Variants in C11orf65 observed in about 807,000 individuals in gnomAD.
The protein encoded by C11orf65 is protein MFI.
A neutral mutation model predicts 35.3 loss-of-function variants in C11orf65; 38 were observed. The ratio of observed to expected loss-of-function variants is 1.08; its 90% CI spans 0.83 to 1.41. C11orf65 has a LOEUF of 1.41. C11orf65 is among the 40% of genes most tolerant of loss of function. The pLI is 0.00. For synonymous variants in C11orf65, 105 were observed against 114.4 expected, an observed-to-expected ratio of 0.92 and a Z score of 0.53; for missense variants, 370 against 367.1, an observed-to-expected ratio of 1.01 and a Z score of -0.06.
rs928129862 is a variant in C11orf65, at chr11:108,317,385, T to C, written c.641-8314A>G. 3 of 1,611,834 alleles carry C rather than the reference T, an allele frequency of 1.9e-6. No individual in the cohort carries two copies. Among genetic ancestry groups the C allele is most frequent in the Admixed American group, 1.7e-5 (1 of 59,948 alleles). ...AACTCCTGTTTAGGCCTTGCAGAAT[T>C]TGGGACTCTGCCATATTCTTTCCGT... On this transcript the variant is annotated intron_variant, in intron 6 of 6. Coordinates refer to the C11orf65 transcript ENST00000525729.
At chr11:108,462,540 T>C (rs555125412) in intron 1 of C11orf65, 1 of 152,310 alleles carries the variant, frequency 6.6e-6, no homozygotes, top group South Asian at 2.1e-4. Context: ...TCCATGACTT[T>C]TACATACCCT....
rs2087842031 is a variant in C11orf65 at position 108,343,367 on chromosome 11, T to C, written c.227-8075A>G. 6.2e-7 allele frequency: 1 copy of C among 1,613,788 alleles called. No homozygotes were observed. The highest frequency in any genetic ancestry group is 1.7e-5 in the Admixed American group (1 of 59,962). Reference sequence around the variant, plus strand: ...AGTGCCTTTCAGTGCCAAAAGAAAATGATGGTGAGTGACACCCAAAATTAA... The same window carrying C: ...AGTGCCTTTCAGTGCCAAAAGAAAACGATGGTGAGTGACACCCAAAATTAA... On this transcript the variant is annotated intron_variant, in intron 2 of 3. Transcript: ENST00000524755.
chr11:108,330,381 T>G (rs56399857), downstream of C11orf65: 259 of 1,614,206 alleles, frequency 1.6e-4, no homozygotes, highest in Non-Finnish European at 2.1e-4. Context: ...TCCCTCTGGC[T>G]TGAAAATTCT....
chr11:108,414,977 A>C (rs1164481249), intron 3 of C11orf65, among the ~76,000 whole-genome samples: 1 of 152,152 alleles, frequency 6.6e-6, no homozygotes, highest in Admixed American at 6.5e-5. Context: ...GACAAAATCC[A>C]ACACCCATTC....
chr11:108,312,239 A>G (rs1448593856), intron 6 of C11orf65, among the ~76,000 whole-genome samples: 1 of 152,198 alleles, frequency 6.6e-6, no homozygotes, highest in Non-Finnish European at 1.5e-5. Context: ...TTCATTCACA[A>G]ATTCCTTTTC....
chr11:108,392,171 T>C (rs1019889712), intron 7 of C11orf65, among the ~76,000 whole-genome samples: 1 of 152,152 alleles, frequency 6.6e-6, no homozygotes, highest in African/African-American at 2.4e-5. Context: ...CTCAGCCTCC[T>C]GAGTAGCTGG....
chr11:108,438,427 T>C (rs186800508), intron 2 of C11orf65, among the ~76,000 whole-genome samples: 1 of 151,954 alleles, frequency 6.6e-6, no homozygotes, highest in East Asian at 1.9e-4. Flanking sequence ...GGCGCACTCC[T>C]GTAGTCCCAG....
chr11:108,360,336 G>C (rs1473416570), intron 2 of C11orf65, among the ~76,000 whole-genome samples: 5 of 151,042 alleles, frequency 3.3e-5, no homozygotes, highest in Non-Finnish European at 7.4e-5. Context: ...TCCAGGACCA[G>C]ATGGATTCAC....
intron 3 of C11orf65, among the ~76,000 whole-genome samples, chr11:108,413,619 G>C (rs544802160): frequency 6.6e-6 from 1 of 152,128 alleles, no homozygotes; most frequent in Non-Finnish European, 1.5e-5. Context: ...TAGAGGAAGC[G>C]CTTTCAACTT....
intron 3 of C11orf65, 125 bp from the exon 4 acceptor site, chr11:108,407,274 G>A: frequency 1.4e-6 from 1 of 726,992 alleles, no homozygotes. Context: ...TCAGTCAGGT[G>A]AACCAACCTC....
chr11:108,442,915 G>A (rs768409136), intron 2 of C11orf65, among the ~76,000 whole-genome samples: 7 of 152,082 alleles, frequency 4.6e-5, no homozygotes, highest in African/African-American at 9.7e-5. Flanking sequence ...ATCAACTAAC[G>A]AGAAAAATAA....
At chr11:108,458,994 T>C (rs2093439259) in intron 2 of C11orf65, among the ~76,000 whole-genome samples, 1 of 152,214 alleles carries the variant, frequency 6.6e-6, no homozygotes, top group African/African-American at 2.4e-5. Context: ...GTATCTTTTG[T>C]TAGTATTCTG....
chr11:108,380,777 T>C (rs900952125), downstream of C11orf65, among the ~76,000 whole-genome samples: 7 of 152,354 alleles, frequency 4.6e-5, no homozygotes, highest in African/African-American at 1.7e-4. Context: ...AGACCCATTC[T>C]TGTTTGGACA....
chr11:108,332,199 G>A (rs755400507), intron 3 of C11orf65, among the ~76,000 whole-genome samples: 3 of 152,180 alleles, frequency 2.0e-5, no homozygotes, highest in East Asian at 1.9e-4. Context: ...AGGCTGAGGC[G>A]GGTGGATTAC....
Position 108,405,356 on chromosome 11 carries a change from C to A in C11orf65, c.560+73G>T. Reference sequence around the variant, plus strand: ...GCAGCTAATGCCCTCTTGTGAGGAGCAATACCTCATTTCAAATTTGTTTTT... The same window carrying A: ...GCAGCTAATGCCCTCTTGTGAGGAGAAATACCTCATTTCAAATTTGTTTTT... On this transcript the variant is annotated intron_variant, in intron 6 of 8. Coordinates refer to ENST00000393084, the MANE Select transcript of C11orf65 (RefSeq NM_152587.5). 4 of 1,500,352 alleles carry A rather than the reference C, an allele frequency of 2.7e-6. No individual in the cohort carries two copies. In the South Asian group the frequency reaches 3.8e-5, roughly 14 times the overall value. 92.9% of individuals were successfully genotyped at this position (1,500,352 alleles called of 1,614,324 possible). A position where few individuals can be genotyped will look rare whatever the true frequency, so the allele number is the denominator to read the frequency against.
chr11:108,447,084 T>C (rs2093273865), intron 2 of C11orf65, among the ~76,000 whole-genome samples: 1 of 152,142 alleles, frequency 6.6e-6, no homozygotes, highest in Non-Finnish European at 1.5e-5. Context: ...AAGAGCTAAC[T>C]ATCCTAAATA....
chr11:108,397,606 TA>T (rs1179641131), intron 6 of C11orf65, among the ~76,000 whole-genome samples: 4 of 152,132 alleles, frequency 2.6e-5, no homozygotes, highest in African/African-American at 4.8e-5. Context: ...TTTAGTAAGA[TA>T]GGGGTAAAAA....
chr11:108,461,591 G>C, intron 1 of C11orf65, 23 bp from the exon 2 acceptor site: 1 of 1,322,156 alleles, frequency 7.6e-7, no homozygotes, highest in Non-Finnish European at 1.1e-6. Flanking sequence ...GAGCAAAAAG[G>C]GTACATTTAA....
chr11:108,332,666 G>A, intron 3 of C11orf65: 2 of 1,291,650 alleles, frequency 1.5e-6, no homozygotes, highest in South Asian at 2.6e-5. Context: ...GTCTAGATTT[G>A]TGCATAAATT....
Sources: gnomAD v4.1 joint callset for allele counts (sites outside exome capture counted in the v4.1 genomes callset) on GRCh38, gnomAD v4.1.1 for gene constraint, MANE v1.5 for transcripts, NCBI Gene and HGNC (gene_info 2026-07-23, HGNC 2026-07-21) for gene names.